Variants in MARK1 observed in about 807,000 individuals in gnomAD.
MARK1 encodes the protein serine/threonine-protein kinase MARK1.
Under a neutral mutation model 96.3 loss-of-function variants are expected in MARK1, and 40 were observed. The observed-to-expected ratio is 0.42, with a 90% CI of 0.32 to 0.54. The LOEUF (loss-of-function observed/expected upper bound fraction) is 0.54, where lower values mean the gene tolerates loss of function less well. Ranked by LOEUF, MARK1 falls within the 20% of genes least tolerant of loss-of-function variation. The pLI, the probability that MARK1 is intolerant of heterozygous loss-of-function variation, is 0.16. For synonymous variants in MARK1, 317 were observed against 341.2 expected (o/e 0.93, Z 0.78); for missense variants, 719 against 984.6 (o/e 0.73, Z 3.61).
chr1:220,550,732 A>G (rs1195181899), intron 1 of MARK1, among the ~76,000 whole-genome samples: 2 of 152,164 alleles, frequency 1.3e-5, no homozygotes, highest in Non-Finnish European at 2.9e-5. Context: ...TTTTTATTCA[A>G]AGGAATTAAC....
chr1:220,623,614 G>C (rs1463379293), intron 9 of MARK1, among the ~76,000 whole-genome samples: 12 of 152,128 alleles, frequency 7.9e-5, no homozygotes, highest in Admixed American at 7.9e-4. Flanking sequence ...TTCTCTCATT[G>C]CTGCCCAATT....
chr1:220,615,886 G>A lies in MARK1; in HGVS notation c.496-53G>A, dbSNP rs868259823. The A allele has an allele frequency of 8.2e-5, 77 of 936,888 alleles. No homozygotes were observed. The African/African-American group carries it at 9.9e-4, about 12-fold the overall frequency. The allele number at this position is 936,888 out of a possible 1,614,324, so 58.0% of individuals were successfully genotyped here. A position where few individuals can be genotyped will look rare whatever the true frequency, so the allele number is the denominator to read the frequency against. On this transcript the variant is annotated intron_variant, in intron 6 of 17. Transcript: ENST00000366917. ...ATCTAAATTGGAGGTGATTATTGGG[G>A]AAAATTGCGTTTTTTTAATAATTTG...
intron 5 of MARK1, 81 bp from the exon 6 acceptor site, chr1:220,603,986 A>C: frequency 8.7e-6 from 7 of 804,620 alleles, no homozygotes; most frequent in Non-Finnish European, 1.4e-5. Flanking sequence ...CTTTATAAAC[A>C]AGGAAAAAAC....
chr1:220,537,203 G>T, intron 1 of MARK1, among the ~76,000 whole-genome samples: 1 of 146,332 alleles, frequency 6.8e-6, no homozygotes, highest in Non-Finnish European at 1.5e-5. Context: ...TCTTCATTTA[G>T]CATTAGGTAT....
At chr1:220,634,206 C>T (rs1667825239) in intron 11 of MARK1, among the ~76,000 whole-genome samples, 2 of 152,198 alleles carry the variant, frequency 1.3e-5, no homozygotes, top group African/African-American at 2.4e-5. Context: ...TTAAAGTACA[C>T]TCCCGAAGTC....
In MARK1 at chr1:220,631,126, A is replaced by G; in HGVS notation, c.1001A>G (p.Lys334Arg). 1.2e-6 allele frequency: 2 copies of G among 1,609,614 alleles called. No individual in the cohort carries two copies. Among genetic ancestry groups the G allele is most frequent in the South Asian group, 2.2e-5 (2 of 90,950 alleles). The change falls in exon 10 of 18, where the codon AAA becomes AGA. Residue 334 changes from lysine (K) to arginine (R), a missense_variant. Coordinates refer to ENST00000366917, the MANE Select transcript of MARK1 (RefSeq NM_018650.5). ...TEPDPDFNDTKRIDIMVTMGF... is the reference protein window; with the variant it reads ...TEPDPDFNDTRRIDIMVTMGF... ...CCTGATCCGGATTTCAATGACACAA[A>G]AAGAATAGGTAAGTATTTAAACATG...
At position 220,528,826 on chromosome 1, in the gene MARK1, T is replaced by C. The variant is rs1192095907; in HGVS notation, c.4T>C (p.Ser2Pro). Residue 2 changes from serine (S) to proline (P), a missense_variant, in exon 1 of 18, where the codon TCG becomes CCG. Ser to Pro is a moderately conservative substitution (Grantham distance 74). Coordinates refer to ENST00000366917, the MANE Select transcript of MARK1 (RefSeq NM_018650.5). ...CAGACCCCGCTGCCCGCACAAAATG[T>C]CGGCCCGGACGCCATTGCCGACGGT... The part of the protein sequence containing the change: M[S>P]ARTPLPTVNE... 6.4e-7 allele frequency: 1 copy of C among 1,559,726 alleles called. No individual in the cohort carries two copies. Among genetic ancestry groups the C allele is most frequent in the African/African-American group, 1.4e-5 (1 of 73,164 alleles).
chr1:220,534,124 G>A (rs978279934), intron 1 of MARK1, among the ~76,000 whole-genome samples: 1 of 151,446 alleles, frequency 6.6e-6, no homozygotes, highest in Non-Finnish European at 1.5e-5. Context: ...TGGTAAGGTG[G>A]CAATTTTATT....
rs567879122 is a variant in MARK1, at chr1:220,661,737, A to G, written c.2034-75A>G. On this transcript the variant is annotated intron_variant, in intron 17 of 17. Coordinates refer to ENST00000366917, the MANE Select transcript of MARK1 (RefSeq NM_018650.5). Reference sequence around the variant, plus strand: ...TAGGCACTGAACTATGACCACTTAGATTTTATGTGTGTTTTGATCTCTTTG... The same window carrying G: ...TAGGCACTGAACTATGACCACTTAGGTTTTATGTGTGTTTTGATCTCTTTG... 35 of 1,148,448 alleles carry G rather than the reference A, an allele frequency of 3.0e-5. No homozygotes were observed. In the South Asian group the frequency reaches 3.7e-4, roughly 12 times the overall value. 71.1% of individuals were successfully genotyped at this position (1,148,448 alleles called of 1,614,324 possible).
rs987942377 is a variant in MARK1, at chr1:220,599,057, T to G, written c.358+678T>G. ...AAATGGCTTTCAGATATTTTGATAC[T>G]ATGCACTTGGGTTTGATCATAGGTT... On this transcript the variant is annotated intron_variant, in intron 4 of 17. Coordinates refer to ENST00000366917, the MANE Select transcript of MARK1 (RefSeq NM_018650.5). Among the ~76,000 whole-genome samples the G allele has an allele frequency of 5.9e-5, 9 of 152,298 alleles. No homozygotes were observed. In the East Asian group the frequency reaches 1.5e-3, roughly 26 times the overall value.
chr1:220,649,612 T>A (rs1166989579), intron 13 of MARK1, among the ~76,000 whole-genome samples: 1 of 152,230 alleles, frequency 6.6e-6, no homozygotes, highest in Non-Finnish European at 1.5e-5. Context: ...GCATATGCTT[T>A]TTATATAACT....
At chr1:220,560,372 A>G (rs934106495) in intron 1 of MARK1, among the ~76,000 whole-genome samples, 12 of 152,244 alleles carry the variant, frequency 7.9e-5, no homozygotes, top group African/African-American at 2.9e-4. Context: ...TCATGGTTAG[A>G]TTTGTTCTTC....
At chr1:220,652,564 A>G (rs1041306112) in intron 15 of MARK1, among the ~76,000 whole-genome samples, 2 of 152,170 alleles carry the variant, frequency 1.3e-5, no homozygotes, top group Non-Finnish European at 2.9e-5. Context: ...AATGAAACTG[A>G]TGAACTCAAA....
intron 1 of MARK1, among the ~76,000 whole-genome samples, chr1:220,537,400 C>G (rs1660780456): frequency 6.6e-6 from 1 of 151,708 alleles, no homozygotes; most frequent in Non-Finnish European, 1.5e-5. Flanking sequence ...ATCCATGTCC[C>G]TACAAAGGAC....
intron 6 of MARK1, among the ~76,000 whole-genome samples, chr1:220,608,560 A>G (rs1218810791): frequency 6.6e-6 from 1 of 151,882 alleles, no homozygotes; most frequent in Non-Finnish European, 1.5e-5. Context: ...ATCTCCTTCA[A>G]TCCTGCTCTG....
At chr1:220,536,308 G>T (rs538310921) in intron 1 of MARK1, among the ~76,000 whole-genome samples, 1 of 151,680 alleles carries the variant, frequency 6.6e-6, no homozygotes, top group South Asian at 2.1e-4. Flanking sequence ...ATGTTAAATA[G>T]AAGTGGCAAG....
intron 1 of MARK1, among the ~76,000 whole-genome samples, chr1:220,536,577 A>G (rs1267164813): frequency 6.7e-6 from 1 of 148,228 alleles, no homozygotes; most frequent in Non-Finnish European, 1.5e-5. Context: ...TTTTTTTGAG[A>G]TGGAGTCTTA....
chr1:220,544,877 T>C (rs1012506317), intron 1 of MARK1, among the ~76,000 whole-genome samples: 2 of 152,224 alleles, frequency 1.3e-5, no homozygotes, highest in Admixed American at 6.5e-5. Context: ...TATTTCCTTT[T>C]CTATTCGCTT....
intron 1 of MARK1, among the ~76,000 whole-genome samples, chr1:220,553,004 A>C (rs10047220): frequency 0.056 from 8,567 of 152,252 alleles, 764 homozygotes; most frequent in African/African-American, 0.19. Flanking sequence ...TACTTTGTTC[A>C]TGAGGCCATT....
Sources: allele counts gnomAD v4.1 joint callset (sites outside exome capture counted in the v4.1 genomes callset), GRCh38; gene constraint gnomAD v4.1.1; transcripts MANE v1.5; gene names NCBI Gene and HGNC (gene_info 2026-07-23, HGNC 2026-07-21).